SNTG1: variants seen among roughly 807,000 people sequenced by gnomAD.
The protein encoded by SNTG1 is syntrophin gamma 1.
SNTG1 carries 39 observed loss-of-function variants against 74.7 expected under a neutral mutation model. That is an observed-to-expected ratio of 0.52 (90% CI 0.40 to 0.68). The LOEUF (loss-of-function observed/expected upper bound fraction) is 0.68, where lower values mean the gene tolerates loss of function less well. SNTG1 is among the 30% of genes least tolerant of loss of function. SNTG1 has a pLI of 0.00. For synonymous variants in SNTG1, 254 were observed against 217.1 expected, an observed-to-expected ratio of 1.17 and a Z score of -1.49; for missense variants, 685 against 609.5, an observed-to-expected ratio of 1.12 and a Z score of -1.30.
intron 2 of SNTG1, among the ~76,000 whole-genome samples, chr8:50,376,752 TATATAGAGAG>T (rs1364506552): frequency 2.8e-3 from 281 of 100,772 alleles, no homozygotes; most frequent in Middle Eastern, 6.0e-3. Context: ...TATATATATA[TATATAGAGAG>T]AGAGAGAGAG....
chr8:50,439,700 A>ATT (rs150316160), intron 5 of SNTG1, among the ~76,000 whole-genome samples: 17 of 134,736 alleles, frequency 1.3e-4, no homozygotes, highest in African/African-American at 4.4e-4. Context: ...AATAAATGAG[A>ATT]TTTTTTTTTG....
chr8:50,056,006 AG>A (rs1349119933), intron 1 of SNTG1, among the ~76,000 whole-genome samples: 3 of 152,076 alleles, frequency 2.0e-5, no homozygotes, highest in Non-Finnish European at 2.9e-5. Flanking sequence ...AGGGCTTGGA[AG>A]CAGTTCCAAA....
At chr8:50,302,457 C>T (rs11994575) in intron 2 of SNTG1, among the ~76,000 whole-genome samples, 10,539 of 152,126 alleles carry the variant, frequency 0.069, 409 homozygotes, top group African/African-American at 0.085. Flanking sequence ...AGACTGCCAC[C>T]TTCTGTAGTG....
rs375978893 is a variant in SNTG1 at position 50,376,729 on chromosome 8, TTATATATA to T, written c.-27-17462_-27-17455del. Among the ~76,000 whole-genome samples the T allele has an allele frequency of 5.4e-3, 542 of 100,600 alleles. 4 individuals are homozygous for T. The South Asian group carries it at 0.057, about 11-fold the overall frequency. The allele number at this position is 100,600 out of a possible 152,430, so 66.0% of individuals were successfully genotyped here. A position where few individuals can be genotyped will look rare whatever the true frequency, so the allele number is the denominator to read the frequency against. ...ATATTATATATTTAATATTAATAAA[TTATATATA>T]TATATATATATATATATATAGAGAG... On this transcript the variant is annotated intron_variant, in intron 2 of 18. Transcript: ENST00000642720.
At chr8:50,257,355 G>A (rs759540280) in intron 2 of SNTG1, among the ~76,000 whole-genome samples, 82 of 152,260 alleles carry the variant, frequency 5.4e-4, no homozygotes, top group African/African-American at 1.8e-3. Flanking sequence ...CACCCTCCTC[G>A]TAGAGTAGGG....
At chr8:50,584,911 G>A (rs1277851371) in intron 12 of SNTG1, among the ~76,000 whole-genome samples, 3 of 152,074 alleles carry the variant, frequency 2.0e-5, no homozygotes, top group Non-Finnish European at 4.4e-5. Flanking sequence ...CTGGGTCCAT[G>A]CGTTGTTTGT....
chr8:50,287,074 C>T (rs989062528), intron 2 of SNTG1, among the ~76,000 whole-genome samples: 1 of 152,086 alleles, frequency 6.6e-6, no homozygotes, highest in Admixed American at 6.6e-5. Context: ...TACTCCAGTC[C>T]TATTTGCTTG....
chr8:50,236,576 G>A (rs1332450197), intron 2 of SNTG1, among the ~76,000 whole-genome samples: 4 of 149,426 alleles, frequency 2.7e-5, no homozygotes, highest in Admixed American at 6.8e-5. Flanking sequence ...TCAGCCTCCC[G>A]AGTAGCTGGG....
At chr8:49,963,340 G>A (rs1462751141) in intron 1 of SNTG1, among the ~76,000 whole-genome samples, 1 of 152,150 alleles carries the variant, frequency 6.6e-6, no homozygotes, top group Non-Finnish European at 1.5e-5. Context: ...ATGTCTTTTG[G>A]CACATTGCCC....
At chr8:50,170,170 C>T (rs1007984545) in intron 1 of SNTG1, among the ~76,000 whole-genome samples, 6 of 152,054 alleles carry the variant, frequency 3.9e-5, no homozygotes, top group East Asian at 1.9e-4. Context: ...GCCTCAGTGA[C>T]GACAGCATGT....
At chr8:50,667,885 A>G (rs1452821486) in intron 15 of SNTG1, among the ~76,000 whole-genome samples, 1 of 152,040 alleles carries the variant, frequency 6.6e-6, no homozygotes, top group Non-Finnish European at 1.5e-5. Flanking sequence ...TCTCTTCCTA[A>G]GCTACAAGCT....
chr8:50,517,574 C>T (rs1401499755), intron 9 of SNTG1, among the ~76,000 whole-genome samples: 1 of 55,062 alleles, frequency 1.8e-5, no homozygotes. Context: ...CACATAGGCT[C>T]AAATAAAGAA....
At chr8:50,236,552 A>G (rs766297856) in intron 2 of SNTG1, among the ~76,000 whole-genome samples, 20 of 149,124 alleles carry the variant, frequency 1.3e-4, no homozygotes, top group Non-Finnish European at 1.8e-4. Context: ...CTGGGTTCAC[A>G]CCATTCTCCT....
chr8:50,445,661 A>G (rs2093399995), intron 5 of SNTG1, among the ~76,000 whole-genome samples: 1 of 152,192 alleles, frequency 6.6e-6, no homozygotes, highest in Non-Finnish European at 1.5e-5. Flanking sequence ...TGTGCTTTAG[A>G]ACACTGCCTT....
chr8:50,217,758 G>A (rs140357667), intron 2 of SNTG1, among the ~76,000 whole-genome samples: 212 of 152,188 alleles, frequency 1.4e-3, no homozygotes, highest in African/African-American at 4.8e-3. Context: ...TTTCTAGTAG[G>A]CCAGAGAGTG....
intron 1 of SNTG1, among the ~76,000 whole-genome samples, chr8:50,152,279 T>C (rs2082095115): frequency 6.6e-6 from 1 of 152,214 alleles, no homozygotes; most frequent in Non-Finnish European, 1.5e-5. Context: ...CCTCCATCTC[T>C]TTATTTTGAG....
rs1013332408 is a variant in SNTG1 at position 50,779,541 on chromosome 8, G to A, written c.1396-13130G>A. 7.9e-5 allele frequency among the ~76,000 whole-genome samples: 12 copies of A among 152,214 alleles called. No individual in the cohort carries two copies. The South Asian group carries it at 1.2e-3, about 16-fold the overall frequency. On this transcript the variant is annotated intron_variant, in intron 18 of 18. Transcript: ENST00000642720. The stretch of plus-strand genomic sequence containing the variant: ...GTGTATAAGAATGCTTGTGATTTTT[G>A]TACATTGATTTTGTATCCTGAGACT...
chr8:50,230,829 G>T (rs2085581408), intron 2 of SNTG1, among the ~76,000 whole-genome samples: 1 of 83,108 alleles, frequency 1.2e-5, no homozygotes, highest in African/African-American at 3.4e-5. Flanking sequence ...ATCTAACATT[G>T]GTTTGGGTAA....
intron 2 of SNTG1, among the ~76,000 whole-genome samples, chr8:50,252,471 G>A (rs1041308364): frequency 7.9e-5 from 12 of 151,946 alleles, no homozygotes; most frequent in Admixed American, 2.0e-4. Context: ...TAGATTAACT[G>A]AGAAAAAAAG....
Sources: allele counts gnomAD v4.1 joint callset (sites outside exome capture counted in the v4.1 genomes callset), GRCh38; gene constraint gnomAD v4.1.1; transcripts MANE v1.5; gene names NCBI Gene and HGNC (gene_info 2026-07-23, HGNC 2026-07-21).